TAOK3: variants seen among roughly 807,000 people sequenced by gnomAD.
TAOK3 encodes serine/threonine-protein kinase TAO3.
TAOK3 carries 40 observed loss-of-function variants against 120.4 expected under a neutral mutation model. That is an observed-to-expected ratio of 0.33 (90% CI 0.26 to 0.43). TAOK3 has a LOEUF of 0.43. Ranked by LOEUF, TAOK3 falls within the 20% of genes least tolerant of loss-of-function variation. The pLI, the probability that TAOK3 is intolerant of heterozygous loss-of-function variation, is 1.00. For missense variants in TAOK3, 821 were observed against 1,112.1 expected (o/e 0.74, Z 3.72); for synonymous variants, 355 against 387.5 (o/e 0.92, Z 0.99).
intron 1 of TAOK3, chr12:118,297,174 G>A (rs1243288205): frequency 6.6e-6 from 1 of 152,122 alleles, no homozygotes; most frequent in African/African-American, 2.4e-5. Flanking sequence ...CTGAGAATTA[G>A]AATGCAATAA....
chr12:118,239,604 T>C (rs2040156559), intron 5 of TAOK3, among the ~76,000 whole-genome samples: 1 of 152,230 alleles, frequency 6.6e-6, no homozygotes, highest in Non-Finnish European at 1.5e-5. Context: ...GACTATGTTG[T>C]ACTATAAATT....
intron 1 of TAOK3, among the ~76,000 whole-genome samples, chr12:118,293,571 G>A (rs1206156811): frequency 1.3e-5 from 2 of 151,870 alleles, no homozygotes; most frequent in African/African-American, 4.8e-5. Context: ...GCTACCAGGA[G>A]GCTGAGGCAG....
intron 14 of TAOK3, among the ~76,000 whole-genome samples, chr12:118,189,006 C>G (rs2037253276): frequency 1.3e-5 from 2 of 152,172 alleles, no homozygotes; most frequent in Admixed American, 1.3e-4. Context: ...ACTAACTCTT[C>G]CAGCACACAC....
intron 1 of TAOK3, among the ~76,000 whole-genome samples, chr12:118,315,502 G>C (rs1346753168): frequency 6.6e-6 from 1 of 152,114 alleles, no homozygotes; most frequent in Non-Finnish European, 1.5e-5. Flanking sequence ...ATGGTAAAAA[G>C]AATAATATGC....
At chr12:118,258,449 T>G (rs2041085953) in intron 2 of TAOK3, among the ~76,000 whole-genome samples, 1 of 152,150 alleles carries the variant, frequency 6.6e-6, no homozygotes, top group Non-Finnish European at 1.5e-5. Context: ...CGCAGTGGCT[T>G]ACACCTGTAA....
intron 1 of TAOK3, among the ~76,000 whole-genome samples, chr12:118,323,864 A>G (rs1178505395): frequency 6.6e-6 from 1 of 152,152 alleles, no homozygotes; most frequent in African/African-American, 2.4e-5. Flanking sequence ...AAATTAATAG[A>G]CTACCTGATA....
At chr12:118,195,889 A>C (rs2037695332) in intron 13 of TAOK3, among the ~76,000 whole-genome samples, 1 of 151,994 alleles carries the variant, frequency 6.6e-6, no homozygotes, top group East Asian at 1.9e-4. Flanking sequence ...TCTCTACTAA[A>C]AATACAAAAA....
chr12:118,303,028 C>T (rs912300442), intron 1 of TAOK3, among the ~76,000 whole-genome samples: 3 of 152,094 alleles, frequency 2.0e-5, no homozygotes, highest in Admixed American at 2.0e-4. Flanking sequence ...AATATCAAGA[C>T]CAGAAAGTGG....
intron 1 of TAOK3, among the ~76,000 whole-genome samples, chr12:118,325,352 G>GGTTC (rs1243161885): frequency 2.6e-5 from 4 of 152,074 alleles, no homozygotes; most frequent in Non-Finnish European, 5.9e-5. Context: ...AGTGTACGAG[G>GGTTC]GTTCTCCTTT....
At chr12:118,227,816 T>A (rs1158431344) in intron 9 of TAOK3, among the ~76,000 whole-genome samples, 1 of 152,180 alleles carries the variant, frequency 6.6e-6, no homozygotes, top group African/African-American at 2.4e-5. Flanking sequence ...AAGCCAAGAT[T>A]CACATCTAGG....
chr12:118,253,462 C>A lies in TAOK3; in HGVS notation c.120+1986G>T, dbSNP rs147562884. 8.1e-4 allele frequency among the ~76,000 whole-genome samples: 123 copies of A among 152,246 alleles called. 2 individuals carry two copies. The highest frequency in any genetic ancestry group is 2.9e-3 in the African/African-American group (120 of 41,548). On this transcript the variant is annotated intron_variant, in intron 3 of 20. Transcript: ENST00000392533. ...ATTAAATAACTATATTTTGGCCTGGCACGGTGGCTCACGCCTGTAATCCCA... is the reference window on the plus strand; with the variant it reads ...ATTAAATAACTATATTTTGGCCTGGAACGGTGGCTCACGCCTGTAATCCCA...
In TAOK3 at chr12:118,182,195, A is replaced by G. The variant is rs1031371217; in HGVS notation, c.1330-588T>C. ...GACTCTGTCTCAAAAAAAAACAACA[A>G]CAACAAAAAGAAATTATTTATTCAG... On this transcript the variant is annotated intron_variant, in intron 14 of 20. Transcript: ENST00000392533. Among the ~76,000 whole-genome samples the G allele has an allele frequency of 5.9e-5, 9 of 152,236 alleles. No individual in the cohort carries two copies. The South Asian group carries it at 1.5e-3, about 25-fold the overall frequency.
intron 1 of TAOK3, among the ~76,000 whole-genome samples, chr12:118,288,380 T>C (rs2042339726): frequency 6.6e-6 from 1 of 151,922 alleles, no homozygotes; most frequent in African/African-American, 2.4e-5. Flanking sequence ...TGAGGTCATA[T>C]GGGTGGGTGG....
intron 16 of TAOK3, 119 bp downstream of exon 16, chr12:118,177,082 T>A (rs2036389723): frequency 2.7e-6 from 3 of 1,126,716 alleles, no homozygotes; most frequent in Non-Finnish European, 3.8e-6. Context: ...TTTAGGGTAT[T>A]CTAATGTAAA....
Position 118,150,752 on chromosome 12 carries a change from G to A in TAOK3, c.*245C>T, listed in dbSNP as rs1010251297. 16 of 477,434 alleles carry A rather than the reference G, an allele frequency of 3.4e-5. No homozygotes were observed. The highest frequency in any genetic ancestry group is 1.1e-4 in the Admixed American group (3 of 27,194). 29.6% of individuals were successfully genotyped at this position (477,434 alleles called of 1,614,324 possible). ...TTTTGAATCACATCAATACTGTGAC[G>A]TGTACTGTGAATAGAAGAGACGGCC... On this transcript the variant is annotated 3_prime_UTR_variant, in exon 21 of 21. Coordinates refer to ENST00000392533, the MANE Select transcript of TAOK3 (RefSeq NM_016281.4).
At chr12:118,288,470 G>T (rs967809593) in intron 1 of TAOK3, among the ~76,000 whole-genome samples, 1 of 152,146 alleles carries the variant, frequency 6.6e-6, no homozygotes, top group Admixed American at 6.6e-5. Flanking sequence ...TGTAAGCCAG[G>T]AAGAGAGCCC....
At chr12:118,301,894 T>C (rs891389881) in intron 1 of TAOK3, among the ~76,000 whole-genome samples, 1 of 150,546 alleles carries the variant, frequency 6.6e-6, no homozygotes, top group African/African-American at 2.4e-5. Context: ...AAGGGTTAAG[T>C]ACATCAAAAG....
At chr12:118,209,456 G>T (rs2038504986) in intron 11 of TAOK3, among the ~76,000 whole-genome samples, 2 of 152,130 alleles carry the variant, frequency 1.3e-5, no homozygotes, top group Non-Finnish European at 2.9e-5. Context: ...AGGCTGGAGT[G>T]CAGGGGCACA....
At chr12:118,233,887 T>C (rs1322271483) in intron 8 of TAOK3, 122 bp from the exon 9 acceptor site, 2 of 656,126 alleles carry the variant, frequency 3.0e-6, no homozygotes, top group Non-Finnish European at 2.7e-6. Context: ...ATAGATATTA[T>C]TTCCTTACAC....
Sources: allele counts gnomAD v4.1 joint callset (sites outside exome capture counted in the v4.1 genomes callset), GRCh38; gene constraint gnomAD v4.1.1; transcripts MANE v1.5; gene names NCBI Gene and HGNC (gene_info 2026-07-23, HGNC 2026-07-21).